Variants in TRAPPC12 observed in about 807,000 individuals in gnomAD.
The protein encoded by TRAPPC12 is TPR repeat protein 15.
Under a neutral mutation model 69.2 loss-of-function variants are expected in TRAPPC12, and 61 were observed. That is an observed-to-expected ratio of 0.88 (90% CI 0.72 to 1.09). The LOEUF is 1.09. Among genes scored for constraint, TRAPPC12 ranks in the 50% least tolerant of loss-of-function variants. The pLI is 0.00. For synonymous variants in TRAPPC12, 469 were observed against 438.9 expected, an observed-to-expected ratio of 1.07 and a Z score of -0.86; for missense variants, 1,101 against 1,016.4, an observed-to-expected ratio of 1.08 and a Z score of -1.13.
rs1298679665 is a variant in TRAPPC12, at chr2:3,457,685, G to A, written c.1595G>A (p.Gly532Asp). The A allele has an allele frequency of 3.7e-6, 6 of 1,610,866 alleles. No individual in the cohort carries two copies. The highest frequency in any genetic ancestry group is 4.2e-6 in the Non-Finnish European group (5 of 1,179,980). Residue 532 changes from glycine to aspartate, a missense_variant, in exon 7 of 12, where the codon GGC becomes GAC. Gly to Asp is a moderately conservative substitution (Grantham distance 94). Transcript: ENST00000324266. ...GGCATGAGCAGCGTGACTCAGGAGG[G>A]CAGACAAGGTGGGTCGGCCGGACTT... ...DGGMSSVTQEGRQASIRLWRS... is the reference protein window; with the variant it reads ...DGGMSSVTQEDRQASIRLWRS...
chr2:3,433,030 T>TTTTG (rs1663527027), intron 5 of TRAPPC12, among the ~76,000 whole-genome samples: 2 of 151,994 alleles, frequency 1.3e-5, no homozygotes, highest in Non-Finnish European at 2.9e-5. Flanking sequence ...TTTCTCACTG[T>TTTTG]TTTTGTGTTT....
intron 3 of TRAPPC12, among the ~76,000 whole-genome samples, chr2:3,404,891 AG>A (rs1311698972): frequency 7.8e-6 from 1 of 128,736 alleles, no homozygotes; most frequent in Non-Finnish European, 1.6e-5. Context: ...GTTACGGGGG[AG>A]GGGGCGCAAA....
chr2:3,410,382 G>A (rs1452481235), intron 3 of TRAPPC12, among the ~76,000 whole-genome samples: 1 of 152,046 alleles, frequency 6.6e-6, no homozygotes, highest in Non-Finnish European at 1.5e-5. Context: ...TAAGATGGTA[G>A]GCATTTGCTT....
chr2:3,465,799 A>G, intron 9 of TRAPPC12, 104 bp downstream of exon 9: 2 of 816,074 alleles, frequency 2.5e-6, no homozygotes, highest in Non-Finnish European at 4.2e-6. Flanking sequence ...GAAAGACTGC[A>G]GAAAATATTC....
intron 8 of TRAPPC12, chr2:3,463,043 AT>A: frequency 2.2e-6 from 1 of 452,256 alleles, no homozygotes; most frequent in South Asian, 1.6e-5. Context: ...AATGGTGAAG[AT>A]TGAGCTAAAA....
rs577498916 is a variant in TRAPPC12 at position 3,469,564 on chromosome 2, G to A, written c.1776+3869G>A. Among the ~76,000 whole-genome samples the A allele has an allele frequency of 5.9e-5, 9 of 152,288 alleles. No individual in the cohort carries two copies. The South Asian group carries it at 8.3e-4, about 14-fold the overall frequency. ...CCACAAAGCCAGGATGCCGTAGCAC[G>A]TCACAGGCCCCTCCAGCAAGAATAG... On this transcript the variant is annotated intron_variant, in intron 9 of 11. Coordinates refer to ENST00000324266, the MANE Select transcript of TRAPPC12 (RefSeq NM_016030.6).
At chr2:3,384,621 A>T (rs1216511311) in intron 1 of TRAPPC12, among the ~76,000 whole-genome samples, 1 of 152,234 alleles carries the variant, frequency 6.6e-6, no homozygotes, top group Non-Finnish European at 1.5e-5. Flanking sequence ...CATTTCTGGG[A>T]TTACCTGAGT....
At chr2:3,402,414 C>G (rs547178945) in intron 3 of TRAPPC12, among the ~76,000 whole-genome samples, 3 of 151,974 alleles carry the variant, frequency 2.0e-5, no homozygotes, top group African/African-American at 4.8e-5. Flanking sequence ...ACATGGTGAA[C>G]CCCATCTCTA....
At chr2:3,460,421 A>T (rs904059199) in intron 8 of TRAPPC12, 85 bp downstream of exon 8, 4 of 780,108 alleles carry the variant, frequency 5.1e-6, no homozygotes, top group South Asian at 1.6e-5. Flanking sequence ...GGTATAATAG[A>T]TGCTGGCAGG....
intron 9 of TRAPPC12, among the ~76,000 whole-genome samples, chr2:3,475,679 CAGG>C (rs1261718105): frequency 3.3e-5 from 5 of 152,196 alleles, no homozygotes; most frequent in Non-Finnish European, 7.3e-5. Flanking sequence ...ATGCCAGCCT[CAGG>C]AGGCCTTGCA....
rs1443920639 is a variant in TRAPPC12, at chr2:3,387,964, C to A, written c.341C>A (p.Ala114Asp). The A allele has an allele frequency of 1.0e-5, 15 of 1,478,330 alleles. No individual in the cohort carries two copies. Among genetic ancestry groups the A allele is most frequent in the Non-Finnish European group, 1.2e-5 (14 of 1,120,054 alleles). The allele number at this position is 1,478,330 out of a possible 1,614,324, so 91.6% of individuals were successfully genotyped here. ...PAGTPSPSGE[A>D]DGDCAPEDAA... ...GGCACCCCGAGTCCCAGCGGCGAGGCCGACGGCGACTGTGCCCCCGAGGAC... is the reference window on the plus strand; with the variant it reads ...GGCACCCCGAGTCCCAGCGGCGAGGACGACGGCGACTGTGCCCCCGAGGAC... The change falls in exon 2 of 12, where the codon GCC becomes GAC. Residue 114 changes from alanine (A) to aspartate (D), a missense_variant. Physicochemically the swap from Ala to Asp is moderately radical, Grantham distance 126. Transcript: ENST00000324266.
intron 5 of TRAPPC12, among the ~76,000 whole-genome samples, chr2:3,438,318 A>AAT: frequency 1.8e-5 from 1 of 56,744 alleles, no homozygotes; most frequent in African/African-American, 6.8e-5. Flanking sequence ...CCCCTGGATT[A>AAT]GCCCCCATCA....
chr2:3,392,076 T>G (rs937104053), intron 2 of TRAPPC12, among the ~76,000 whole-genome samples: 3 of 152,096 alleles, frequency 2.0e-5, no homozygotes, highest in African/African-American at 7.2e-5. Flanking sequence ...TCACTTTGGT[T>G]GACAAAAGGG....
chr2:3,408,302 G>A (rs1287164445), intron 3 of TRAPPC12, among the ~76,000 whole-genome samples: 2 of 152,180 alleles, frequency 1.3e-5, no homozygotes, highest in Non-Finnish European at 2.9e-5. Context: ...TTGTTGATTC[G>A]AACGTGAATT....
chr2:3,382,886 T>C (rs554082550), intron 1 of TRAPPC12, among the ~76,000 whole-genome samples: 1 of 152,288 alleles, frequency 6.6e-6, no homozygotes, highest in African/African-American at 2.4e-5. Context: ...CATCGTCCCA[T>C]TGCACTCCCG....
chr2:3,388,785 A>C, intron 2 of TRAPPC12, 115 bp downstream of exon 2: 7 of 1,081,434 alleles, frequency 6.5e-6, no homozygotes, highest in Non-Finnish European at 9.0e-6. Context: ...GTAATTCCTA[A>C]CATCCCATTG....
chr2:3,432,930 C>T (rs1663520463), intron 5 of TRAPPC12, among the ~76,000 whole-genome samples: 1 of 152,164 alleles, frequency 6.6e-6, no homozygotes, highest in Non-Finnish European at 1.5e-5. Context: ...AGGCAGTGAC[C>T]CAAGCCTCAG....
intron 5 of TRAPPC12, among the ~76,000 whole-genome samples, chr2:3,433,167 G>C (rs1219383934): frequency 6.6e-6 from 1 of 152,174 alleles, no homozygotes. Context: ...CCAGCGTTGA[G>C]CACAGGCAAA....
intron 9 of TRAPPC12, among the ~76,000 whole-genome samples, chr2:3,471,397 C>A (rs1202579816): frequency 6.6e-6 from 1 of 152,170 alleles, no homozygotes; most frequent in South Asian, 2.1e-4. Context: ...ATCATAGCCA[C>A]GTTCCCTGCC....
Sources: gnomAD v4.1 joint callset for allele counts (sites outside exome capture counted in the v4.1 genomes callset) on GRCh38, gnomAD v4.1.1 for gene constraint, MANE v1.5 for transcripts, NCBI Gene and HGNC (gene_info 2026-07-23, HGNC 2026-07-21) for gene names.